DYNLL1: variants seen among roughly 807,000 people sequenced by gnomAD.
The protein encoded by DYNLL1 is dynein light chain 1, cytoplasmic.
A neutral mutation model predicts 10.1 loss-of-function variants in DYNLL1; 3 were observed. That is an observed-to-expected ratio of 0.30 (90% CI 0.14 to 0.77). The LOEUF (loss-of-function observed/expected upper bound fraction) is 0.77. Ranked by LOEUF, DYNLL1 falls within the 30% of genes least tolerant of loss-of-function variation. DYNLL1 has a pLI of 0.66. For synonymous variants in DYNLL1, 46 were observed against 41.2 expected, an observed-to-expected ratio of 1.12 and a Z score of -0.45; for missense variants, 47 against 111.7, an observed-to-expected ratio of 0.42 and a Z score of 2.61.
At chr12:120,486,817 G>A (rs565113087) in intron 1 of DYNLL1, among the ~76,000 whole-genome samples, 24 of 152,126 alleles carry the variant, frequency 1.6e-4, no homozygotes, top group African/African-American at 5.5e-4. Context: ...CTGAAGCAAA[G>A]AGGCAACAAT....
chr12:120,472,929 G>C (rs1878681364), intron 1 of DYNLL1, among the ~76,000 whole-genome samples: 1 of 152,154 alleles, frequency 6.6e-6, no homozygotes, highest in Non-Finnish European at 1.5e-5. Context: ...CATGTTCAAA[G>C]GGTTCATAGG....
At chr12:120,492,798 A>C (rs1342515674), upstream of DYNLL1, among the ~76,000 whole-genome samples, 2 of 152,204 alleles carry the variant, frequency 1.3e-5, no homozygotes, top group African/African-American at 4.8e-5. The surrounding 1 kb of genome is among the most constrained non-coding windows in gnomAD (Gnocchi z 4.1). Context: ...AAGTTGCCAA[A>C]ATGTGTGATG....
intron 1 of DYNLL1, among the ~76,000 whole-genome samples, chr12:120,474,538 A>G (rs1878715378): frequency 6.6e-6 from 1 of 152,166 alleles, no homozygotes; most frequent in Admixed American, 6.5e-5. Context: ...GAACTTATCC[A>G]TATAACCAAA....
At chr12:120,482,317 G>T (rs1241412884) in intron 1 of DYNLL1, among the ~76,000 whole-genome samples, 1 of 138,314 alleles carries the variant, frequency 7.2e-6, no homozygotes, top group Non-Finnish European at 1.6e-5. Flanking sequence ...TACTAGATTT[G>T]CCAAAACAAT....
intron 1 of DYNLL1, among the ~76,000 whole-genome samples, chr12:120,478,974 C>T (rs1387036534): frequency 4.0e-5 from 6 of 149,488 alleles, no homozygotes; most frequent in South Asian, 4.3e-4. Flanking sequence ...CGTGAGCCAC[C>T]GCACCAGGCT....
chr12:120,487,353 C>T (rs1271960571), intron 1 of DYNLL1, among the ~76,000 whole-genome samples: 3 of 119,582 alleles, frequency 2.5e-5, no homozygotes, highest in African/African-American at 3.3e-5. Flanking sequence ...AGTGCAGTGG[C>T]GCGATCTCGG....
intron 1 of DYNLL1, among the ~76,000 whole-genome samples, chr12:120,485,839 T>TAAAAAAAAAAAA (rs749971979): frequency 1.3e-5 from 1 of 76,254 alleles, no homozygotes; most frequent in Non-Finnish European, 2.4e-5. Context: ...AGTCCCTGTC[T>TAAAAAAAAAAAA]AAAAAAAAAA....
chr12:120,486,957 G>C (rs1879007801), intron 1 of DYNLL1, among the ~76,000 whole-genome samples: 1 of 151,696 alleles, frequency 6.6e-6, no homozygotes, highest in African/African-American at 2.4e-5. Flanking sequence ...AGAGACCTCG[G>C]GTTAAAACAG....
At chr12:120,479,430 A>G (rs1878827353) in intron 1 of DYNLL1, among the ~76,000 whole-genome samples, 1 of 141,618 alleles carries the variant, frequency 7.1e-6, no homozygotes, top group African/African-American at 2.6e-5. Flanking sequence ...CCTGGGCATC[A>G]AGAGTGAAAC....
chr12:120,474,989 A>G (rs1878724624), intron 1 of DYNLL1, among the ~76,000 whole-genome samples: 1 of 152,242 alleles, frequency 6.6e-6, no homozygotes, highest in South Asian at 2.1e-4. Context: ...GAAGAAGAGA[A>G]ACAGCAGCAG....
At chr12:120,494,523 G>C (rs528664671), upstream of DYNLL1, among the ~76,000 whole-genome samples, 1 of 151,992 alleles carries the variant, frequency 6.6e-6, no homozygotes, top group African/African-American at 2.4e-5. Flanking sequence ...TCATCCACCC[G>C]CCTCGGCCTC....
At chr12:120,491,219 C>G (rs1879119099), upstream of DYNLL1, 1 of 152,394 alleles carries the variant, frequency 6.6e-6, no homozygotes. Flanking sequence ...TGTTGGTCTA[C>G]TCAGGCGGTG....
At chr12:120,475,891 T>C (rs1878742011) in intron 1 of DYNLL1, among the ~76,000 whole-genome samples, 2 of 152,166 alleles carry the variant, frequency 1.3e-5, no homozygotes, top group South Asian at 4.1e-4. Context: ...TTAACTAGTA[T>C]ATAAAGAACA....
chr12:120,471,653 C>A (rs1196768631), intron 1 of DYNLL1, among the ~76,000 whole-genome samples: 3 of 151,938 alleles, frequency 2.0e-5, no homozygotes, highest in Admixed American at 6.6e-5. Flanking sequence ...CACTGTCACC[C>A]AGGCTGCAGT....
chr12:120,472,363 T>C lies in DYNLL1; in HGVS notation c.-7+2259T>C, dbSNP rs1303961809. ...AAATAAAACCATTATAACTATCTGT[T>C]GTATTCTGGATTATGTAAAGCATCT... On this transcript the variant is annotated intron_variant, in intron 1 of 2. Coordinates refer to the DYNLL1 transcript ENST00000392509. Among the ~76,000 whole-genome samples, 5 of 152,190 alleles carry C rather than the reference T, an allele frequency of 3.3e-5. No homozygotes were observed. In the East Asian group the frequency reaches 9.6e-4, roughly 29 times the overall value.
At chr12:120,479,455 A>AT (rs1267914869) in intron 1 of DYNLL1, among the ~76,000 whole-genome samples, 134 of 80,910 alleles carry the variant, frequency 1.7e-3, no homozygotes, top group African/African-American at 4.6e-3. Flanking sequence ...TCTCCAAAAA[A>AT]AAAAAAAAAA....
intron 2 of DYNLL1, 80 bp from the exon 3 acceptor site, chr12:120,497,992 CT>C: frequency 7.0e-7 from 1 of 1,424,528 alleles, no homozygotes; most frequent in Non-Finnish European, 9.5e-7. Context: ...CTTTCTGCCC[CT>C]ACAGGCTCTG....
intron 1 of DYNLL1, among the ~76,000 whole-genome samples, chr12:120,480,149 G>C (rs955666057): frequency 6.6e-6 from 1 of 152,134 alleles, no homozygotes; most frequent in African/African-American, 2.4e-5. Flanking sequence ...ATGGGGCTCA[G>C]GGGGAGCGGA....
chr12:120,481,106 A>AT (rs1334106494), intron 1 of DYNLL1, among the ~76,000 whole-genome samples: 5 of 152,148 alleles, frequency 3.3e-5, no homozygotes, highest in Non-Finnish European at 7.4e-5. Context: ...TATGATTCTT[A>AT]TATTTATTGA....
Sources: allele counts gnomAD v4.1 joint callset (sites outside exome capture counted in the v4.1 genomes callset), GRCh38; gene constraint gnomAD v4.1.1; non-coding constraint Gnocchi (gnomAD v3.1); transcripts MANE v1.5; gene names NCBI Gene and HGNC (gene_info 2026-07-23, HGNC 2026-07-21).